Variants in VRK2 observed in about 807,000 individuals in gnomAD.
VRK2 encodes serine/threonine-protein kinase VRK2.
VRK2 carries 60 observed loss-of-function variants against 57.6 expected under a neutral mutation model. That is an observed-to-expected ratio of 1.04 (90% CI 0.85 to 1.29). The LOEUF is 1.29. Among genes scored for constraint, VRK2 ranks in the 50% most tolerant of loss-of-function variants. VRK2 has a pLI of 0.00. For missense variants in VRK2, 705 were observed against 588.1 expected (o/e 1.20, Z -2.06); for synonymous variants, 231 against 199.2 (o/e 1.16, Z -1.35).
At chr2:58,020,231 G>C (rs979171430) in intron 1 of VRK2, among the ~76,000 whole-genome samples, 6 of 152,172 alleles carry the variant, frequency 3.9e-5, no homozygotes, top group Non-Finnish European at 8.8e-5. Context: ...TGTTTTTAGA[G>C]ACAGAGTCTT....
intron 1 of VRK2, among the ~76,000 whole-genome samples, chr2:57,981,346 T>C (rs1672417432): frequency 6.6e-6 from 1 of 152,146 alleles, no homozygotes; most frequent in Non-Finnish European, 1.5e-5. Flanking sequence ...CTACCCTGGG[T>C]GGGTGGAATG....
intron 1 of VRK2, among the ~76,000 whole-genome samples, chr2:57,962,638 G>A (rs1036482686): frequency 2.0e-5 from 3 of 151,980 alleles, no homozygotes; most frequent in Non-Finnish European, 2.9e-5. Flanking sequence ...TGTACTCAGT[G>A]TTTAGCTCCA....
intron 1 of VRK2, among the ~76,000 whole-genome samples, chr2:57,948,719 G>C (rs537121976): frequency 1.3e-5 from 2 of 152,026 alleles, no homozygotes; most frequent in Non-Finnish European, 2.9e-5. Flanking sequence ...AAGCTTTCTT[G>C]GTAAGGTGAG....
chr2:57,963,150 A>C (rs958608422), intron 1 of VRK2, among the ~76,000 whole-genome samples: 3 of 152,216 alleles, frequency 2.0e-5, no homozygotes, highest in Non-Finnish European at 4.4e-5. Context: ...TGTCACAGCT[A>C]GTTCCCCAAA....
chr2:58,019,795 A>T (rs1326645940), intron 1 of VRK2, among the ~76,000 whole-genome samples: 1 of 149,356 alleles, frequency 6.7e-6, no homozygotes, highest in Non-Finnish European at 1.5e-5. Flanking sequence ...CAAGAAATGG[A>T]GTATTGATTA....
intron 3 of VRK2, among the ~76,000 whole-genome samples, chr2:58,041,443 C>T (rs1674452255): frequency 1.3e-5 from 2 of 152,040 alleles, no homozygotes; most frequent in African/African-American, 2.4e-5. Flanking sequence ...TACCCTCTGC[C>T]CTTTGAAATT....
chr2:57,914,682 T>C (rs1670091918), intron 1 of VRK2, among the ~76,000 whole-genome samples: 1 of 152,134 alleles, frequency 6.6e-6, no homozygotes, highest in African/African-American at 2.4e-5. Context: ...CAGATGTATA[T>C]ACATTCACTA....
At chr2:58,052,080 G>T (rs1295503916) in intron 2 of VRK2, among the ~76,000 whole-genome samples, 1 of 152,136 alleles carries the variant, frequency 6.6e-6, no homozygotes, top group Non-Finnish European at 1.5e-5. Flanking sequence ...TAAATTACGG[G>T]AGAATTGCAT....
intron 2 of VRK2, among the ~76,000 whole-genome samples, chr2:58,055,724 C>A (rs1202276985): frequency 6.6e-6 from 1 of 152,156 alleles, no homozygotes; most frequent in African/African-American, 2.4e-5. Flanking sequence ...GCTCTTTTCA[C>A]TATGAGCTGA....
chr2:58,056,018 T>C (rs1287483916), intron 2 of VRK2, among the ~76,000 whole-genome samples: 2 of 150,950 alleles, frequency 1.3e-5, no homozygotes, highest in Non-Finnish European at 3.0e-5. Flanking sequence ...ATAATGGATT[T>C]TGCATAAAAT....
intron 12 of VRK2, among the ~76,000 whole-genome samples, chr2:58,155,244 C>T (rs977772383): frequency 6.6e-6 from 1 of 152,132 alleles, no homozygotes. Context: ...GGGAGATGTG[C>T]GATGCCAACT....
At chr2:58,074,849 C>T (rs999604768) in intron 2 of VRK2, among the ~76,000 whole-genome samples, 1 of 151,906 alleles carries the variant, frequency 6.6e-6, no homozygotes, top group African/African-American at 2.4e-5. Flanking sequence ...AATATGAGAC[C>T]TTTTATAATC....
chr2:57,955,203 A>G (rs891425475), intron 1 of VRK2, among the ~76,000 whole-genome samples: 12 of 152,188 alleles, frequency 7.9e-5, no homozygotes, highest in African/African-American at 2.9e-4. Flanking sequence ...ATTTAATACC[A>G]TCATAGAGTC....
At chr2:58,138,688 C>T (rs1573352575) in intron 10 of VRK2, among the ~76,000 whole-genome samples, 3 of 152,078 alleles carry the variant, frequency 2.0e-5, no homozygotes, top group Admixed American at 2.0e-4. Flanking sequence ...ATGAAGTTTC[C>T]CAGGTTTTCC....
In VRK2 at chr2:58,134,726, G is replaced by C. The variant is rs1055765415; in HGVS notation, c.798-415G>C. Among the ~76,000 whole-genome samples the C allele has an allele frequency of 7.9e-5, 12 of 151,710 alleles. 1 individual carries two copies. Among genetic ancestry groups the C allele is most frequent in the Non-Finnish European group, 1.5e-4 (10 of 68,000 alleles). On this transcript the variant is annotated intron_variant, in intron 9 of 12. Transcript: ENST00000340157. ...TGTCCAGTCACATTCCTACACAGCT[G>C]TCTATTCTTCATCAAACCTAAGCAT...
intron 10 of VRK2, among the ~76,000 whole-genome samples, chr2:58,137,260 G>GAT (rs1380424509): frequency 4.6e-5 from 1 of 21,878 alleles, no homozygotes; most frequent in Non-Finnish European, 1.2e-4. Context: ...TGATATATAT[G>GAT]ATATATATGT....
At position 57,918,150 on chromosome 2, in the gene VRK2, T is replaced by C. The variant is rs1374266497; in HGVS notation, c.-439+10311T>C. Reference sequence around the variant, plus strand: ...AAGCCACCAACTGATGACACAGGACTATTTAAATATATTAAAGAAATGGTG... The same window carrying C: ...AAGCCACCAACTGATGACACAGGACCATTTAAATATATTAAAGAAATGGTG... On this transcript the variant is annotated intron_variant, in intron 1 of 15. Coordinates refer to the VRK2 transcript ENST00000417641. Among the ~76,000 whole-genome samples, 7 of 152,140 alleles carry C rather than the reference T, an allele frequency of 4.6e-5. No individual in the cohort carries two copies. In the South Asian group the frequency reaches 1.2e-3, roughly 27 times the overall value.
At chr2:58,094,758 ACT>A (rs1672884961) in intron 7 of VRK2, among the ~76,000 whole-genome samples, 1 of 152,130 alleles carries the variant, frequency 6.6e-6, no homozygotes, top group African/African-American at 2.4e-5. Flanking sequence ...ATTAGTTGTT[ACT>A]TTTGTCATAT....
intron 1 of VRK2, among the ~76,000 whole-genome samples, chr2:57,954,633 T>C (rs1010177460): frequency 2.0e-5 from 3 of 152,234 alleles, no homozygotes; most frequent in South Asian, 4.1e-4. Context: ...TTAGTGTTAC[T>C]AAGTTCAGAG....
Sources: allele counts gnomAD v4.1 joint callset (sites outside exome capture counted in the v4.1 genomes callset), GRCh38; gene constraint gnomAD v4.1.1; transcripts MANE v1.5; gene names NCBI Gene and HGNC (gene_info 2026-07-23, HGNC 2026-07-21).